SHISA9: variants seen among roughly 807,000 people sequenced by gnomAD.
SHISA9 encodes the protein protein shisa-9.
Under a neutral mutation model 38.0 loss-of-function variants are expected in SHISA9, and 13 were observed. The ratio of observed to expected loss-of-function variants is 0.34; its 90% CI spans 0.22 to 0.54. The LOEUF is 0.54. Among genes scored for constraint, SHISA9 ranks in the 20% least tolerant of loss-of-function variants. SHISA9 has a pLI of 0.91. For synonymous variants in SHISA9, 275 were observed against 242.0 expected, an observed-to-expected ratio of 1.14 and a Z score of -1.27; for missense variants, 538 against 575.8, an observed-to-expected ratio of 0.93 and a Z score of 0.67.
At chr16:13,432,509 C>G in the SHISA9 span, among the ~76,000 whole-genome samples, 22 of 152,072 alleles carry the variant, frequency 1.4e-4, no homozygotes, top group African/African-American at 5.3e-4. Flanking sequence ...GCTCTAGAGT[C>G]ATAGAAAAAA....
At chr16:12,983,077 G>C (rs72782685) in intron 2 of SHISA9, among the ~76,000 whole-genome samples, 4,723 of 152,328 alleles carry the variant, frequency 0.031, 89 homozygotes, top group Non-Finnish European at 0.047. Context: ...CTCCCATGTG[G>C]TGTTTTTCTC....
chr16:12,902,250 C>G lies in SHISA9; in HGVS notation c.186C>G (p.Asp62Glu). 1.3e-6 allele frequency: 2 copies of G among 1,544,928 alleles called. No individual in the cohort carries two copies. The highest frequency in any genetic ancestry group is 2.4e-5 in the East Asian group (1 of 40,862). ...GEASEGAEASDAPPTRAPTPD... is the reference protein window; with the variant it reads ...GEASEGAEASEAPPTRAPTPD... ...CCAGCGAGGGCGCTGAGGCATCGGACGCGCCCCCGACCCGGGCGCCCACGC... is the reference window on the plus strand; with the variant it reads ...CCAGCGAGGGCGCTGAGGCATCGGAGGCGCCCCCGACCCGGGCGCCCACGC... The change falls in exon 1 of 5, where the codon GAC becomes GAG. Residue 62 changes from aspartate to glutamate, a missense_variant. Around this residue, in one of 4 missense-constraint regions of SHISA9, gnomAD observed 107 missense variants for 103.0 expected, o/e 1.04. Transcript: ENST00000558583.
intron 2 of SHISA9, among the ~76,000 whole-genome samples, chr16:13,042,885 C>T (rs1343241876): frequency 6.6e-6 from 1 of 152,114 alleles, no homozygotes; most frequent in Admixed American, 6.5e-5. Flanking sequence ...TAGAAGCATC[C>T]CTGGCACACG....
the SHISA9 span, among the ~76,000 whole-genome samples, chr16:13,526,948 TAGAGACAAACA>T: frequency 6.6e-6 from 1 of 150,998 alleles, no homozygotes; most frequent in Non-Finnish European, 1.5e-5. Flanking sequence ...CTTCTTTTTT[TAGAGACAAACA>T]AGCACCAATT....
the SHISA9 span, among the ~76,000 whole-genome samples, chr16:13,292,679 C>CA: frequency 6.6e-6 from 1 of 151,832 alleles, no homozygotes; most frequent in African/African-American, 2.4e-5. Flanking sequence ...GGAAGTAATA[C>CA]AAAAAAGAAG....
chr16:12,986,337 T>C lies in SHISA9; in HGVS notation c.691+69522T>C, dbSNP rs1472029582. On this transcript the variant is annotated intron_variant, in intron 2 of 4. Transcript: ENST00000558583. ...TGCTTTCTTGCTTGCTATTTGTGTG[T>C]GGTTGGGGAGACGAGGGTGAAGTAT... Among the ~76,000 whole-genome samples the C allele has an allele frequency of 2.0e-5, 3 of 152,172 alleles. No individual in the cohort carries two copies. The East Asian group carries it at 5.8e-4, about 29-fold the overall frequency.
the SHISA9 span, among the ~76,000 whole-genome samples, chr16:13,541,759 A>G: frequency 2.0e-5 from 3 of 152,212 alleles, no homozygotes; most frequent in East Asian, 1.9e-4. Flanking sequence ...AGAGTCCTCA[A>G]AAGAGTGAGT....
At chr16:13,195,735 A>G (rs2050931932) in intron 2 of SHISA9, among the ~76,000 whole-genome samples, 1 of 152,178 alleles carries the variant, frequency 6.6e-6, no homozygotes, top group Non-Finnish European at 1.5e-5. Context: ...ACTTTACCTC[A>G]GTGATTCCCC....
At chr16:13,156,306 C>T (rs970443036) in intron 2 of SHISA9, among the ~76,000 whole-genome samples, 3 of 152,112 alleles carry the variant, frequency 2.0e-5, no homozygotes, top group Non-Finnish European at 4.4e-5. Context: ...TGGTACTTGC[C>T]AGCATGCTTA....
At chr16:13,525,678 A>C in the SHISA9 span, among the ~76,000 whole-genome samples, 1 of 152,376 alleles carries the variant, frequency 6.6e-6, no homozygotes, top group African/African-American at 2.4e-5. Flanking sequence ...ACTTTATTAT[A>C]AGAAATATCT....
At chr16:12,981,959 G>A (rs571557251) in intron 2 of SHISA9, among the ~76,000 whole-genome samples, 119 of 152,162 alleles carry the variant, frequency 7.8e-4, no homozygotes, top group Non-Finnish European at 1.3e-3. Flanking sequence ...CTAACCTCTG[G>A]AATTGTGAGA....
At chr16:13,166,943 A>G (rs942103730) in intron 2 of SHISA9, among the ~76,000 whole-genome samples, 3 of 152,162 alleles carry the variant, frequency 2.0e-5, no homozygotes, top group Admixed American at 6.5e-5. Flanking sequence ...CTATGTCACA[A>G]ACCTGCACAT....
intron 2 of SHISA9, among the ~76,000 whole-genome samples, chr16:12,921,509 C>T (rs867882012): frequency 1.3e-5 from 2 of 152,176 alleles, no homozygotes; most frequent in African/African-American, 4.8e-5. Flanking sequence ...GACCTGTAGT[C>T]TCAGTGCTTT....
chr16:13,096,349 G>A (rs934567475), intron 2 of SHISA9, among the ~76,000 whole-genome samples: 2 of 152,120 alleles, frequency 1.3e-5, no homozygotes, highest in South Asian at 2.1e-4. Flanking sequence ...AGAGACAAAC[G>A]CCATATCATC....
chr16:13,366,634 G>A, the SHISA9 span, among the ~76,000 whole-genome samples: 1 of 151,830 alleles, frequency 6.6e-6, no homozygotes. Context: ...CTTGAGCCCA[G>A]GAGTTTGAGA....
At chr16:13,558,375 C>T in the SHISA9 span, among the ~76,000 whole-genome samples, 3 of 152,078 alleles carry the variant, frequency 2.0e-5, no homozygotes, top group African/African-American at 7.3e-5. Flanking sequence ...TGACATTGTA[C>T]ATAGTCACTT....
chr16:12,977,880 C>G (rs2072186067), intron 2 of SHISA9, among the ~76,000 whole-genome samples: 1 of 151,894 alleles, frequency 6.6e-6, no homozygotes, highest in Non-Finnish European at 1.5e-5. Flanking sequence ...GGGTTTAATA[C>G]TTAGGTAACG....
At chr16:13,550,373 C>G in the SHISA9 span, among the ~76,000 whole-genome samples, 1 of 152,162 alleles carries the variant, frequency 6.6e-6, no homozygotes, top group African/African-American at 2.4e-5. Context: ...CACCTCAAAC[C>G]TTCTATAATT....
intron 2 of SHISA9, among the ~76,000 whole-genome samples, chr16:13,090,962 G>A: frequency 6.6e-6 from 1 of 152,156 alleles, no homozygotes; most frequent in Non-Finnish European, 1.5e-5. Context: ...TTTATTTAGT[G>A]CTTCCTTCAA....
Sources: allele counts gnomAD v4.1 joint callset (sites outside exome capture counted in the v4.1 genomes callset), GRCh38; gene constraint gnomAD v4.1.1; regional missense constraint gnomAD v4.1.1; transcripts MANE v1.5; gene names NCBI Gene and HGNC (gene_info 2026-07-23, HGNC 2026-07-21).